The following ALK variants were observed in gnomAD, a reference collection of about 807,000 sequenced individuals.
The protein encoded by ALK is ALK receptor tyrosine kinase, also known as ALK tyrosine kinase receptor.
A neutral mutation model predicts 163.1 loss-of-function variants in ALK; 74 were observed. The ratio of observed to expected loss-of-function variants is 0.45; its 90% CI spans 0.38 to 0.55. The LOEUF (loss-of-function observed/expected upper bound fraction) is 0.55, where lower values mean the gene tolerates loss of function less well. Ranked by LOEUF, ALK falls within the 20% of genes least tolerant of loss-of-function variation. The pLI is 0.00. For synonymous variants in ALK, 960 were observed against 843.2 expected (o/e 1.14, Z -2.40); for missense variants, 2,063 against 2,105.3 (o/e 0.98, Z 0.39).
chr2:29,794,426 G>A (rs1664258322), intron 1 of ALK, among the ~76,000 whole-genome samples: 1 of 152,094 alleles, frequency 6.6e-6, no homozygotes, highest in African/African-American at 2.4e-5. Flanking sequence ...CACTGGGGTA[G>A]CACTTTTAAT....
intron 16 of ALK, among the ~76,000 whole-genome samples, chr2:29,228,387 A>C (rs1664077635): frequency 1.3e-5 from 2 of 152,194 alleles, no homozygotes; most frequent in African/African-American, 4.8e-5. Context: ...GTCAATGGGC[A>C]GCTGCTTGCT....
chr2:29,806,469 T>A (rs1449322515), intron 1 of ALK, among the ~76,000 whole-genome samples: 1 of 151,850 alleles, frequency 6.6e-6, no homozygotes, highest in Non-Finnish European at 1.5e-5. Context: ...ACAATTAAAG[T>A]TGGGAGAGAA....
intron 4 of ALK, among the ~76,000 whole-genome samples, chr2:29,426,959 A>C (rs1331726656): frequency 3.0e-5 from 4 of 135,488 alleles, no homozygotes; most frequent in African/African-American, 1.1e-4. Context: ...AATCGCTTAA[A>C]CCCAGGGAGG....
chr2:29,380,329 C>T (rs1396283525), intron 5 of ALK, among the ~76,000 whole-genome samples: 1 of 152,004 alleles, frequency 6.6e-6, no homozygotes, highest in Non-Finnish European at 1.5e-5. Context: ...TGGTCTTGAT[C>T]TCTTGACCTC....
intron 1 of ALK, among the ~76,000 whole-genome samples, chr2:29,744,811 G>C (rs1680165496): frequency 6.6e-6 from 1 of 151,976 alleles, no homozygotes; most frequent in Non-Finnish European, 1.5e-5. Context: ...AAGATGGGGG[G>C]TACCGAGAGA....
chr2:29,230,955 AC>A (rs113353849), intron 15 of ALK, among the ~76,000 whole-genome samples: 17,586 of 151,952 alleles, frequency 0.12, 1,205 homozygotes, highest in African/African-American at 0.19. Flanking sequence ...GAGGTTTCTG[AC>A]CCCCATACCC....
intron 8 of ALK, among the ~76,000 whole-genome samples, chr2:29,309,530 G>A (rs1666637608): frequency 1.3e-5 from 2 of 152,164 alleles, no homozygotes; most frequent in Admixed American, 1.3e-4. Flanking sequence ...GCAGGCATTA[G>A]CAAGTGCTCT....
chr2:29,566,949 A>T (rs1006541976), intron 3 of ALK, among the ~76,000 whole-genome samples: 15 of 152,180 alleles, frequency 9.9e-5, no homozygotes, highest in African/African-American at 3.6e-4. Flanking sequence ...AAGCATCAAA[A>T]CATTAAATGT....
intron 1 of ALK, among the ~76,000 whole-genome samples, chr2:29,903,172 CAA>C (rs575900518): frequency 1.7e-3 from 265 of 152,230 alleles, no homozygotes; most frequent in Non-Finnish European, 3.0e-3. Context: ...TAGAACCGTA[CAA>C]AGTCCTGAAC....
Position 29,848,347 on chromosome 2 carries a change from CTT to C in ALK, c.667+71644_667+71645del, listed in dbSNP as rs34182049. On this transcript the variant is annotated intron_variant, in intron 1 of 28. Coordinates refer to ENST00000389048, the MANE Select transcript of ALK (RefSeq NM_004304.5). ...ATGCTGACCACCTTGTTCAGGAAGG[CTT>C]TTTTTTTTTTTTTAAACTAGCAAGT... is the stretch of plus-strand genomic sequence containing the variant. 9.6e-3 allele frequency among the ~76,000 whole-genome samples: 1,330 copies of C among 138,884 alleles called. 24 individuals are homozygous for C. The highest frequency in any genetic ancestry group is 0.03 in the African/African-American group (1,151 of 37,784). The allele number at this position is 138,884 out of a possible 152,430, so 91.1% of individuals were successfully genotyped here.
At chr2:29,495,241 A>G (rs932084698) in intron 4 of ALK, among the ~76,000 whole-genome samples, 1 of 152,102 alleles carries the variant, frequency 6.6e-6, no homozygotes, top group African/African-American at 2.4e-5. Flanking sequence ...AAGGGGATGA[A>G]GTGCATCCTG....
chr2:29,860,403 A>AC (rs1347594374), intron 1 of ALK, among the ~76,000 whole-genome samples: 7 of 152,028 alleles, frequency 4.6e-5, no homozygotes, highest in African/African-American at 1.2e-4. Flanking sequence ...AAAAAAAAAA[A>AC]AAAACAGAAA....
chr2:29,607,854 A>G (rs1035996101), intron 3 of ALK, among the ~76,000 whole-genome samples: 7 of 151,078 alleles, frequency 4.6e-5, no homozygotes, highest in African/African-American at 1.7e-4. Context: ...ACCTGCTAGC[A>G]ACTCCCACAT....
Position 29,222,420 on chromosome 2 carries a change from A to G in ALK, c.3451-12T>C. On this transcript the variant is annotated splice_polypyrimidine_tract_variant and intron_variant, in intron 21 of 28. Transcript: ENST00000389048. ...ACTTCAGGCAGCGTCTGGGCAGAGA[A>G]GGGGAGGGTGGGGAGGAGGAGGAGG... 1 of 1,599,726 alleles carries G rather than the reference A, an allele frequency of 6.3e-7. No individual in the cohort carries two copies. The highest frequency in any genetic ancestry group is 8.6e-7 in the Non-Finnish European group (1 of 1,167,946).
chr2:29,662,030 C>T (rs1258582106), intron 3 of ALK, among the ~76,000 whole-genome samples: 1 of 152,124 alleles, frequency 6.6e-6, no homozygotes, highest in Non-Finnish European at 1.5e-5. Flanking sequence ...CTGCCTCAGC[C>T]TCCCGAGTAG....
intron 3 of ALK, among the ~76,000 whole-genome samples, chr2:29,627,504 T>G (rs537873037): frequency 7.3e-5 from 11 of 151,644 alleles, no homozygotes; most frequent in African/African-American, 2.2e-4. Flanking sequence ...GGCCAGGGAA[T>G]TGAGAAGCAT....
intron 4 of ALK, among the ~76,000 whole-genome samples, chr2:29,424,389 CT>C (rs1387971738): frequency 1.3e-5 from 2 of 152,192 alleles, no homozygotes. Context: ...AAAGGGAAGA[CT>C]TTTTGCAAAT....
chr2:29,316,937 T>A (rs1178499439), intron 8 of ALK, among the ~76,000 whole-genome samples: 2 of 152,202 alleles, frequency 1.3e-5, no homozygotes, highest in Non-Finnish European at 2.9e-5. Context: ...TGCTACAAAT[T>A]GCATATCACA....
intron 4 of ALK, among the ~76,000 whole-genome samples, chr2:29,456,288 A>T (rs1670951045): frequency 6.6e-6 from 1 of 152,206 alleles, no homozygotes; most frequent in African/African-American, 2.4e-5. Flanking sequence ...TGGCAGCCAA[A>T]GTAGCCAAAA....
Sources: allele counts gnomAD v4.1 joint callset (sites outside exome capture counted in the v4.1 genomes callset), GRCh38; gene constraint gnomAD v4.1.1; transcripts MANE v1.5; gene names NCBI Gene and HGNC (gene_info 2026-07-23, HGNC 2026-07-21).